TGFBR3: variants seen among roughly 807,000 people sequenced by gnomAD.
The protein encoded by TGFBR3 is transforming growth factor beta receptor type 3.
In TGFBR3, 46 loss-of-function variants were observed where a neutral mutation model predicts 87.9. The ratio of observed to expected loss-of-function variants is 0.52; its 90% CI spans 0.41 to 0.67. The LOEUF is 0.67. TGFBR3 is among the 30% of genes least tolerant of loss of function. The pLI, the probability that TGFBR3 is intolerant of heterozygous loss-of-function variation, is 0.00. For synonymous variants in TGFBR3, 381 were observed against 391.6 expected (o/e 0.97, Z 0.32); for missense variants, 866 against 1,041.9 (o/e 0.83, Z 2.32).
chr1:91,880,372 G>C (rs531183434), intron 1 of TGFBR3, among the ~76,000 whole-genome samples: 138 of 152,158 alleles, frequency 9.1e-4, no homozygotes, highest in Non-Finnish European at 8.5e-4. Flanking sequence ...AGGCCAAGAC[G>C]GCGGATCACG....
At chr1:91,889,044 G>A (rs2101325670), upstream of TGFBR3, among the ~76,000 whole-genome samples, 1 of 152,104 alleles carries the variant, frequency 6.6e-6, no homozygotes, top group Middle Eastern at 3.4e-3. Context: ...CACCATGCCT[G>A]GCTAATTTTT....
At chr1:91,743,561 T>C (rs1360843483) in intron 4 of TGFBR3, among the ~76,000 whole-genome samples, 2 of 152,242 alleles carry the variant, frequency 1.3e-5, no homozygotes, top group Non-Finnish European at 2.9e-5. Flanking sequence ...CCTTCTAAAA[T>C]GCCATATAAT....
In TGFBR3 at chr1:91,682,011, CTAAAG is replaced by C. The variant is rs1334234834; in HGVS notation, c.*1723_*1727del. 2.2e-6 allele frequency: 1 copy of C among 453,546 alleles called. No individual in the cohort carries two copies. The highest frequency in any genetic ancestry group is 4.4e-6 in the Non-Finnish European group (1 of 226,672). The allele number at this position is 453,546 out of a possible 1,614,324, so 28.1% of individuals were successfully genotyped here. On this transcript the variant is annotated 3_prime_UTR_variant, in exon 17 of 17. Transcript: ENST00000212355. Reference sequence around the variant, plus strand: ...TGTAGATAGCCTGGAAATCTCAGCCCTAAAGTAATGTTTTAGTTAAAATGTTCCTT... The same window carrying C: ...TGTAGATAGCCTGGAAATCTCAGCCCTAATGTTTTAGTTAAAATGTTCCTT...
chr1:91,725,984 G>A (rs905828436), intron 7 of TGFBR3, among the ~76,000 whole-genome samples: 10 of 152,138 alleles, frequency 6.6e-5, no homozygotes, highest in South Asian at 2.1e-4. Context: ...AAACTGGTTG[G>A]GAGAATAAAA....
At chr1:91,824,986 C>A (rs1447556716) in intron 2 of TGFBR3, among the ~76,000 whole-genome samples, 2 of 152,118 alleles carry the variant, frequency 1.3e-5, no homozygotes, top group Non-Finnish European at 2.9e-5. Context: ...AATAATGCAA[C>A]CACTTTGAAA....
intron 2 of TGFBR3, among the ~76,000 whole-genome samples, chr1:91,858,610 C>CAAAAAAAAAAAAAAAAAAAAAAAAAA (rs58608714): frequency 1.3e-5 from 1 of 78,322 alleles, no homozygotes. Flanking sequence ...GACTCTGTCT[C>CAAAAAAAAAAAAAAAAAAAAAAAAAA]AAAAAAAAAA....
intron 2 of TGFBR3, among the ~76,000 whole-genome samples, chr1:91,899,445 G>T (rs1679643031): frequency 6.6e-6 from 1 of 151,988 alleles, no homozygotes; most frequent in Non-Finnish European, 1.5e-5. Flanking sequence ...GGTTGAGGCT[G>T]CAGTGATCTG....
intron 2 of TGFBR3, among the ~76,000 whole-genome samples, chr1:91,819,950 A>T (rs1676383255): frequency 6.6e-6 from 1 of 152,236 alleles, no homozygotes. Flanking sequence ...GTGTCACTTT[A>T]TGCAAGCCAC....
chr1:91,710,975 G>A (rs1471919589), intron 13 of TGFBR3, among the ~76,000 whole-genome samples: 2 of 152,136 alleles, frequency 1.3e-5, no homozygotes, highest in African/African-American at 4.8e-5. Flanking sequence ...GCTGTTCCAG[G>A]CCAGGTCAGA....
intron 5 of TGFBR3, 126 bp downstream of exon 5, chr1:91,734,650 C>T (rs1365278007): frequency 8.2e-7 from 1 of 1,219,116 alleles, no homozygotes; most frequent in African/African-American, 1.5e-5. Flanking sequence ...CCAAATGACC[C>T]CTCAGGTCCC....
intron 2 of TGFBR3, among the ~76,000 whole-genome samples, chr1:91,811,234 C>T (rs1249164897): frequency 6.6e-6 from 1 of 152,094 alleles, no homozygotes; most frequent in Non-Finnish European, 1.5e-5. Context: ...TCCCTTGAGC[C>T]CAGGGAGGTC....
intron 2 of TGFBR3, among the ~76,000 whole-genome samples, chr1:91,813,269 C>A (rs1208240503): frequency 6.6e-6 from 1 of 152,124 alleles, no homozygotes; most frequent in Non-Finnish European, 1.5e-5. Context: ...GAAAGTTAAG[C>A]TTATGCACTA....
At chr1:91,718,901 C>T (rs185607248) in intron 10 of TGFBR3, among the ~76,000 whole-genome samples, 157 of 152,238 alleles carry the variant, frequency 1.0e-3, no homozygotes, top group Middle Eastern at 3.4e-3. Context: ...TACTTCTGGA[C>T]GAGACTCAAA....
intron 1 of TGFBR3, among the ~76,000 whole-genome samples, chr1:91,876,868 G>A (rs1036084681): frequency 2.0e-5 from 3 of 152,004 alleles, no homozygotes; most frequent in Admixed American, 2.0e-4. Context: ...TTTAAAATGT[G>A]TGTCTACAGT....
intron 2 of TGFBR3, among the ~76,000 whole-genome samples, chr1:91,891,806 G>A (rs2996478): frequency 0.9 from 137,463 of 152,184 alleles, 62,949 homozygotes; most frequent in Non-Finnish European, 0.99. Context: ...TTATTTTTCA[G>A]ATTCGCTCAT....
intron 4 of TGFBR3, among the ~76,000 whole-genome samples, chr1:91,753,684 T>C (rs1255179372): frequency 1.3e-5 from 2 of 152,234 alleles, no homozygotes; most frequent in African/African-American, 4.8e-5. Flanking sequence ...GGACATTTTA[T>C]ATAAATTGGA....
chr1:91,848,754 C>T (rs1677603938), intron 2 of TGFBR3, among the ~76,000 whole-genome samples: 1 of 152,152 alleles, frequency 6.6e-6, no homozygotes, highest in Non-Finnish European at 1.5e-5. Context: ...AACTCATGAT[C>T]CTGAAAACCA....
Position 91,758,744 on chromosome 1 carries a change from G to C in TGFBR3, c.253C>G (p.Leu85Val). Residue 85 changes from leucine (L) to valine (V), a missense_variant, in exon 4 of 17, where the codon CTT becomes GTT. By Grantham distance (32) the Leu-to-Val change is conservative (BLOSUM62 1). Transcript: ENST00000212355. Reference protein sequence around the residue: ...GPGQLQREVTLHLNPISSVHI... With the variant: ...GPGQLQREVTVHLNPISSVHI... Reference sequence around the variant, plus strand: ...ACTGAGGAGATGGGATTCAGGTGAAGTGTGACCTAGGAAGCAACAGAAAGA... The same window carrying C: ...ACTGAGGAGATGGGATTCAGGTGAACTGTGACCTAGGAAGCAACAGAAAGA... 1 of 1,613,944 alleles carries C rather than the reference G, an allele frequency of 6.2e-7. No individual in the cohort carries two copies. Among genetic ancestry groups the C allele is most frequent in the Non-Finnish European group, 8.5e-7 (1 of 1,179,874 alleles).
intron 2 of TGFBR3, among the ~76,000 whole-genome samples, chr1:91,827,608 C>G (rs1172497510): frequency 1.3e-5 from 2 of 152,248 alleles, no homozygotes; most frequent in Middle Eastern, 3.4e-3. Context: ...TTTGTATGCA[C>G]GCCGCATGAG....
Sources: allele counts gnomAD v4.1 joint callset (sites outside exome capture counted in the v4.1 genomes callset), GRCh38; gene constraint gnomAD v4.1.1; transcripts MANE v1.5; gene names NCBI Gene and HGNC (gene_info 2026-07-23, HGNC 2026-07-21).